Variants in RP1 observed in about 807,000 individuals in gnomAD.
RP1 encodes the protein oxygen-regulated protein 1.
A neutral mutation model predicts 14.8 loss-of-function variants in RP1; 16 were observed. The ratio of observed to expected loss-of-function variants is 1.08; its 90% CI spans 0.73 to 1.65. The LOEUF (loss-of-function observed/expected upper bound fraction) is 1.65, where lower values mean the gene tolerates loss of function less well. RP1 is among the 40% of genes most tolerant of loss of function. The pLI is 0.00. For synonymous variants in RP1, 876 were observed against 883.6 expected (o/e 0.99, Z 0.15); for missense variants, 2,631 against 2,535.0 (o/e 1.04, Z -0.81).
In RP1 at chr8:54,794,630, A is replaced by G. The variant is rs574942811; in HGVS notation, c.3615+10920A>G. On this transcript the variant is annotated intron_variant, in intron 24 of 28. Transcript: ENST00000637698. ...TACTTAAAAATTCTAGAAGAGAAAG[A>G]AACCATAGGCAAAACCCACTTTTCC... Among the ~76,000 whole-genome samples the G allele has an allele frequency of 2.0e-5, 3 of 152,152 alleles. No homozygotes were observed. In the East Asian group the frequency reaches 5.8e-4, roughly 29 times the overall value.
In RP1 at chr8:54,636,476, G is replaced by A. The variant is rs562147774; in HGVS notation, c.788-12509G>A. 1.3e-3 allele frequency among the ~76,000 whole-genome samples: 197 copies of A among 152,316 alleles called. 1 individual carries two copies. The highest frequency in any genetic ancestry group is 4.5e-3 in the African/African-American group (188 of 41,568). ...CAGTTGGCTGTGCATGGTGGCTCAC[G>A]CCTGTAATCCCAGCACTTTGGGAGG... On this transcript the variant is annotated intron_variant, in intron 3 of 22. Coordinates refer to the RP1 transcript ENST00000636932.
At chr8:54,751,721 T>C (rs1009662896) in intron 19 of RP1, among the ~76,000 whole-genome samples, 1 of 152,254 alleles carries the variant, frequency 6.6e-6, no homozygotes, top group Non-Finnish European at 1.5e-5. Flanking sequence ...TTAAACATTG[T>C]GGTCGTCCTG....
chr8:54,743,230 T>A (rs918721170), intron 19 of RP1, among the ~76,000 whole-genome samples: 1 of 152,176 alleles, frequency 6.6e-6, no homozygotes, highest in African/African-American at 2.4e-5. Context: ...CCTGTTAAAA[T>A]ATATATATAT....
intron 19 of RP1, among the ~76,000 whole-genome samples, chr8:54,741,292 C>T (rs1809078562): frequency 1.3e-5 from 2 of 152,136 alleles, no homozygotes; most frequent in African/African-American, 2.4e-5. Context: ...TCACCACTTA[C>T]TCACTGACTC....
rs926387223 is a variant in RP1, at chr8:54,583,327, C to G, written c.-13+24007C>G. On this transcript the variant is annotated intron_variant, in intron 1 of 22. Transcript: ENST00000636932. ...TTATTGATTTGTGTATGTTGAACCACCCTTGCATCCCAGGGATGAAGCCCA... is the reference window on the plus strand; with the variant it reads ...TTATTGATTTGTGTATGTTGAACCAGCCTTGCATCCCAGGGATGAAGCCCA... Among the ~76,000 whole-genome samples, 36 of 152,194 alleles carry G rather than the reference C, an allele frequency of 2.4e-4. 2 individuals are homozygous for G. Among genetic ancestry groups the G allele is most frequent in the Admixed American group, 1.1e-3 (17 of 15,278 alleles).
At chr8:54,581,115 A>C (rs893009264) in intron 1 of RP1, among the ~76,000 whole-genome samples, 1 of 152,010 alleles carries the variant, frequency 6.6e-6, no homozygotes, top group African/African-American at 2.4e-5. Flanking sequence ...TTAACTCTTC[A>C]TTTAGCATTA....
chr8:54,686,652 T>C (rs1014005138), intron 12 of RP1, among the ~76,000 whole-genome samples: 1 of 152,046 alleles, frequency 6.6e-6, no homozygotes, highest in Non-Finnish European at 1.5e-5. Context: ...CACAAAGAAG[T>C]GTTGTCTCTA....
rs1181333100 is a variant in RP1 at position 54,627,794 on chromosome 8, A to G, written c.3912A>G (p.Ser1304=). 7 of 1,614,158 alleles carry G rather than the reference A, an allele frequency of 4.3e-6. No homozygotes were observed. Among genetic ancestry groups the G allele is most frequent in the Non-Finnish European group, 5.9e-6 (7 of 1,179,978 alleles). The change falls in exon 4 of 4, where the codon TCA becomes TCG. Residue 1304 remains serine (S), a synonymous_variant. Coordinates refer to ENST00000220676, the MANE Select transcript of RP1 (RefSeq NM_006269.2). The part of the protein sequence containing the change: ...NKACFLGEVC[S]LTDTVFSDKA... ...CTTGTTTCCTAGGAGAGGTCTGTTC[A>G]CTTACTGATACTGTGTTTTCTGATA...
exon 16 of RP1, chr8:54,720,150 C>T: frequency 2.6e-6 from 4 of 1,534,620 alleles, no homozygotes; most frequent in Middle Eastern, 3.3e-4. Flanking sequence ...TGTTGACTGT[C>T]ATTTTAAAAT....
At chr8:54,578,405 G>A (rs778506715) in intron 1 of RP1, among the ~76,000 whole-genome samples, 36 of 151,860 alleles carry the variant, frequency 2.4e-4, no homozygotes, top group Admixed American at 1.1e-3. Context: ...ATGGAGTCTT[G>A]CTATGTTGCC....
intron 22 of RP1, among the ~76,000 whole-genome samples, chr8:54,769,309 C>G (rs1809843329): frequency 6.6e-6 from 1 of 152,122 alleles, no homozygotes; most frequent in Admixed American, 6.6e-5. Flanking sequence ...TTTTTCTGTG[C>G]CAAGTTTCCC....
At chr8:54,761,378 A>C (rs558581854) in intron 22 of RP1, among the ~76,000 whole-genome samples, 1 of 151,850 alleles carries the variant, frequency 6.6e-6, no homozygotes, top group East Asian at 1.9e-4. Context: ...CTGGGATTAC[A>C]GGCATGTACC....
intron 24 of RP1, among the ~76,000 whole-genome samples, chr8:54,815,369 T>C (rs566478293): frequency 6.6e-6 from 1 of 152,348 alleles, no homozygotes; most frequent in South Asian, 2.1e-4. Context: ...TATACTTTTC[T>C]TAAATGAAAT....
exon 24 of RP1, chr8:54,783,602 G>T (rs779090281): frequency 6.0e-5 from 74 of 1,231,464 alleles, no homozygotes; most frequent in Non-Finnish European, 2.1e-5. Flanking sequence ...CCGGCACCAC[G>T]GCAACAGTGT....
intron 22 of RP1, among the ~76,000 whole-genome samples, chr8:54,762,212 C>T (rs569020593): frequency 2.2e-4 from 33 of 152,060 alleles, no homozygotes; most frequent in Non-Finnish European, 3.1e-4. Flanking sequence ...CTCGGTCATG[C>T]TCCTTGGAGT....
At chr8:54,773,364 C>T (rs372191032), downstream of RP1, among the ~76,000 whole-genome samples, 8 of 152,020 alleles carry the variant, frequency 5.3e-5, no homozygotes, top group African/African-American at 1.4e-4. Flanking sequence ...GGTCCAGGTG[C>T]GGTGGCTCAT....
At chr8:54,754,206 T>C (rs1809443854) in intron 19 of RP1, among the ~76,000 whole-genome samples, 1 of 152,084 alleles carries the variant, frequency 6.6e-6, no homozygotes, top group African/African-American at 2.4e-5. Context: ...CTGTGGCAAC[T>C]GGGGGTTTAT....
intron 22 of RP1, among the ~76,000 whole-genome samples, chr8:54,759,378 C>A (rs1809584860): frequency 6.6e-6 from 1 of 152,160 alleles, no homozygotes; most frequent in African/African-American, 2.4e-5. Context: ...ATTTGTTTAA[C>A]TGTTGGTTTC....
chr8:54,623,403 C>G (rs1240995173), intron 3 of RP1, among the ~76,000 whole-genome samples: 1 of 151,898 alleles, frequency 6.6e-6, no homozygotes, highest in African/African-American at 2.4e-5. Flanking sequence ...TAGGTTTATA[C>G]TCTGCAACAT....
Sources: gnomAD v4.1 joint callset for allele counts (sites outside exome capture counted in the v4.1 genomes callset) on GRCh38, gnomAD v4.1.1 for gene constraint, MANE v1.5 for transcripts, NCBI Gene and HGNC (gene_info 2026-07-23, HGNC 2026-07-21) for gene names.